Variants in DMD observed in about 807,000 individuals in gnomAD.
The protein encoded by DMD is mutant dystrophin.
Under a neutral mutation model 330.1 loss-of-function variants are expected in DMD, and 63 were observed. That is an observed-to-expected ratio of 0.19 (90% CI 0.16 to 0.24). The LOEUF is 0.24. DMD is among the 10% of genes least tolerant of loss of function. The probability of loss-of-function intolerance (pLI) is 1.00; values close to 1 mark genes in which losing one functional copy is unlikely to be tolerated. For synonymous variants in DMD, 1,223 were observed against 959.8 expected, an observed-to-expected ratio of 1.27 and a Z score of -5.07; for missense variants, 3,344 against 2,684.1, an observed-to-expected ratio of 1.25 and a Z score of -5.43.
intron 50 of DMD, among the ~76,000 whole-genome samples, chrX:31,806,171 C>CT (rs2092286939): frequency 8.9e-6 from 1 of 112,279 alleles, no homozygotes; most frequent in African/African-American, 3.2e-5. Context: ...ATACCTCCCG[C>CT]TGAAACAGTA....
intron 43 of DMD, among the ~76,000 whole-genome samples, chrX:32,272,180 T>C (rs1382840770): frequency 1.8e-5 from 2 of 111,696 alleles, no homozygotes; most frequent in Admixed American, 9.5e-5. Context: ...GTAAGATAAA[T>C]AGGTAAACAG....
intron 17 of DMD, among the ~76,000 whole-genome samples, chrX:32,518,973 T>C (rs1304896414): frequency 3.0e-5 from 3 of 101,694 alleles, no homozygotes; most frequent in Non-Finnish European, 6.0e-5. Context: ...AAATATCAGA[T>C]CACCTATCCT....
At chrX:32,964,472 C>G (rs1174307876) in intron 2 of DMD, among the ~76,000 whole-genome samples, 1 of 110,423 alleles carries the variant, frequency 9.1e-6, no homozygotes, top group Non-Finnish European at 1.9e-5. Context: ...CTTTGGAAAG[C>G]AAAGGTGGGT....
chrX:31,301,637 T>C (rs1348868876), intron 62 of DMD, among the ~76,000 whole-genome samples: 2 of 112,313 alleles, frequency 1.8e-5, no homozygotes, highest in African/African-American at 6.5e-5. Flanking sequence ...TGACATGACA[T>C]TTGGGTGGAG....
At chrX:32,137,009 T>C (rs1464189381) in intron 44 of DMD, among the ~76,000 whole-genome samples, 3 of 111,751 alleles carry the variant, frequency 2.7e-5, no homozygotes, top group Non-Finnish European at 1.9e-5. Context: ...TAAAGTATAA[T>C]AATAAATTTA....
intron 1 of DMD, among the ~76,000 whole-genome samples, chrX:33,240,049 T>A (rs1473210429): frequency 9.0e-6 from 1 of 111,521 alleles, no homozygotes; most frequent in African/African-American, 3.3e-5. Context: ...ATGTAAGCAT[T>A]CCATAAAATC....
At chrX:32,415,627 T>A (rs1340125672) in intron 29 of DMD, among the ~76,000 whole-genome samples, 1 of 112,379 alleles carries the variant, frequency 8.9e-6, no homozygotes, top group East Asian at 2.8e-4. Flanking sequence ...AGAATACTGT[T>A]CCGCTGTTGT....
At chrX:32,166,912 C>T (rs943098643) in intron 44 of DMD, among the ~76,000 whole-genome samples, 3 of 111,620 alleles carry the variant, frequency 2.7e-5, no homozygotes, top group Non-Finnish European at 5.6e-5. Context: ...TGAGCATTAC[C>T]ATGTAGAATG....
At chrX:32,164,520 G>A (rs1428800793) in intron 44 of DMD, among the ~76,000 whole-genome samples, 15 of 111,594 alleles carry the variant, frequency 1.3e-4, no homozygotes. Flanking sequence ...ATGATTTAAG[G>A]TATCTGACAG....
chrX:31,980,979 T>C (rs1459410061), intron 44 of DMD, among the ~76,000 whole-genome samples: 1 of 112,068 alleles, frequency 8.9e-6, no homozygotes, highest in Non-Finnish European at 1.9e-5. Context: ...CTTCACACAG[T>C]ACATATGGAC....
intron 6 of DMD, among the ~76,000 whole-genome samples, chrX:32,810,192 G>A (rs912441318): frequency 9.0e-6 from 1 of 111,125 alleles, no homozygotes; most frequent in Non-Finnish European, 1.9e-5. Context: ...CAGCAATAAA[G>A]ATGTGGGGAA....
chrX:33,080,916 A>AT (rs2148236518), intron 1 of DMD, among the ~76,000 whole-genome samples: 1 of 110,827 alleles, frequency 9.0e-6, no homozygotes, highest in African/African-American at 3.3e-5. Context: ...CTGACAAAAT[A>AT]TTTTTTTATT....
In DMD at chrX:32,818,208, ATGTGATTCATT is replaced by A. The variant is rs772501159; in HGVS notation, c.358-1579_358-1569del. Among the ~76,000 whole-genome samples, 14 of 111,922 alleles carry A rather than the reference ATGTGATTCATT, an allele frequency of 1.3e-4. No homozygotes were observed. The East Asian group carries it at 3.7e-3, about 29-fold the overall frequency. On this transcript the variant is annotated intron_variant, in intron 5 of 78. Coordinates refer to ENST00000357033, the MANE Select transcript of DMD (RefSeq NM_004006.3). ...TAATCAAGCAATCCTCCAATGATGA[ATGTGATTCATT>A]TGTGAAATGCTTGGCCAGTCTGCCC...
chrX:32,589,411 C>A (rs1291359765), intron 13 of DMD, among the ~76,000 whole-genome samples: 1 of 110,314 alleles, frequency 9.1e-6, no homozygotes, highest in African/African-American at 3.3e-5. Context: ...TGCACTCTAT[C>A]TCATATGTGC....
At chrX:32,552,136 T>G (rs1056359520) in intron 16 of DMD, among the ~76,000 whole-genome samples, 1 of 111,940 alleles carries the variant, frequency 8.9e-6, no homozygotes, top group Non-Finnish European at 1.9e-5. Context: ...AAAAATTCAG[T>G]TGGAGCCACT....
chrX:32,236,776 G>T (rs2148025530), intron 43 of DMD, among the ~76,000 whole-genome samples: 1 of 111,765 alleles, frequency 8.9e-6, no homozygotes, highest in Admixed American at 9.5e-5. Flanking sequence ...GTCTTTATCA[G>T]CAGCATGAAA....
At chrX:31,633,745 T>C (rs961428143) in intron 54 of DMD, among the ~76,000 whole-genome samples, 3 of 112,301 alleles carry the variant, frequency 2.7e-5, no homozygotes, top group African/African-American at 9.7e-5. Flanking sequence ...CAAGGCTTTA[T>C]CTCAAAATAG....
intron 2 of DMD, among the ~76,000 whole-genome samples, chrX:32,854,684 G>C (rs972109260): frequency 9.0e-6 from 1 of 110,566 alleles, no homozygotes; most frequent in South Asian, 3.8e-4. Flanking sequence ...CCAACAACAA[G>C]TAATGAGATC....
intron 44 of DMD, among the ~76,000 whole-genome samples, chrX:32,077,780 G>C (rs1334634728): frequency 4.5e-5 from 5 of 111,399 alleles, no homozygotes; most frequent in African/African-American, 3.3e-5. Flanking sequence ...ATTATATGTT[G>C]CCAAATCCAA....
Sources: allele counts gnomAD v4.1 joint callset (sites outside exome capture counted in the v4.1 genomes callset), GRCh38; gene constraint gnomAD v4.1.1; transcripts MANE v1.5; gene names NCBI Gene and HGNC (gene_info 2026-07-23, HGNC 2026-07-21).